The following SMYD3 variants were observed in gnomAD, a reference collection of about 807,000 sequenced individuals.
SMYD3 encodes the protein histone-lysine N-methyltransferase SMYD3.
A neutral mutation model predicts 57.7 loss-of-function variants in SMYD3; 36 were observed. That is an observed-to-expected ratio of 0.62 (90% CI 0.48 to 0.82). The LOEUF is 0.82. SMYD3 is among the 40% of genes least tolerant of loss of function. SMYD3 has a pLI of 0.00. For synonymous variants in SMYD3, 211 were observed against 195.0 expected, an observed-to-expected ratio of 1.08 and a Z score of -0.68; for missense variants, 515 against 538.8, an observed-to-expected ratio of 0.96 and a Z score of 0.44.
intron 5 of SMYD3, among the ~76,000 whole-genome samples, chr1:246,032,116 A>G (rs2059688190): frequency 6.6e-6 from 1 of 152,206 alleles, no homozygotes; most frequent in South Asian, 2.1e-4. Context: ...AACTCCATAA[A>G]AGGCATACAA....
At chr1:246,186,683 G>C (rs11811466) in intron 5 of SMYD3, 122,203 of 908,192 alleles carry the variant, frequency 0.13, 9,069 homozygotes, top group Non-Finnish European at 0.15. Context: ...TGACCTGTGA[G>C]AGTCTGGCAC....
chr1:246,492,125 A>G (rs1019881246), intron 1 of SMYD3, among the ~76,000 whole-genome samples: 10 of 152,236 alleles, frequency 6.6e-5, no homozygotes, highest in African/African-American at 2.4e-4. Context: ...ATAGCATCCA[A>G]CTGAAATATT....
intron 5 of SMYD3, among the ~76,000 whole-genome samples, chr1:245,968,836 G>A (rs545263581): frequency 7.2e-5 from 11 of 152,302 alleles, no homozygotes; most frequent in African/African-American, 2.6e-4. Flanking sequence ...TCTCAGGTCT[G>A]TGTCTTTCTC....
At chr1:246,177,238 T>C (rs1256823465) in intron 5 of SMYD3, among the ~76,000 whole-genome samples, 1 of 152,218 alleles carries the variant, frequency 6.6e-6, no homozygotes, top group Non-Finnish European at 1.5e-5. Flanking sequence ...ATCTCTCAAT[T>C]ATGAGCAAAT....
chr1:246,176,792 G>A (rs1469350852), intron 5 of SMYD3, among the ~76,000 whole-genome samples: 1 of 152,140 alleles, frequency 6.6e-6, no homozygotes, highest in Non-Finnish European at 1.5e-5. Context: ...CAAAGTGTTG[G>A]GATTACAGAT....
intron 5 of SMYD3, among the ~76,000 whole-genome samples, chr1:246,251,549 T>C (rs35692178): frequency 0.14 from 4,427 of 30,836 alleles, 271 homozygotes; most frequent in East Asian, 0.26. Context: ...GCGGACACTG[T>C]GCCCGGCTTT....
intron 5 of SMYD3, among the ~76,000 whole-genome samples, chr1:246,019,196 G>A (rs1231625098): frequency 6.6e-6 from 1 of 152,120 alleles, no homozygotes; most frequent in African/African-American, 2.4e-5. Flanking sequence ...GCAATGTTTG[G>A]AGACATTTCT....
At chr1:246,157,653 C>T (rs77457713) in intron 5 of SMYD3, among the ~76,000 whole-genome samples, 1 of 110,086 alleles carries the variant, frequency 9.1e-6, no homozygotes, top group East Asian at 2.4e-4. Flanking sequence ...TGTCTTTTTT[C>T]CCCCCCATAG....
chr1:246,402,223 C>A, intron 1 of SMYD3, among the ~76,000 whole-genome samples: 1 of 151,742 alleles, frequency 6.6e-6, no homozygotes, highest in Non-Finnish European at 1.5e-5. Flanking sequence ...CAGCAAATAT[C>A]AAAATACAGA....
intron 1 of SMYD3, among the ~76,000 whole-genome samples, chr1:246,463,418 G>A (rs1031712771): frequency 2.0e-5 from 3 of 152,098 alleles, no homozygotes; most frequent in Non-Finnish European, 2.9e-5. Flanking sequence ...AGGAAGGTAG[G>A]AGAGAAGCAA....
chr1:246,029,829 A>C (rs1369220041), intron 5 of SMYD3, among the ~76,000 whole-genome samples: 1 of 152,088 alleles, frequency 6.6e-6, no homozygotes, highest in Non-Finnish European at 1.5e-5. Flanking sequence ...CTGTTATCAA[A>C]AAAAGAAAAG....
chr1:246,065,759 C>A (rs983051533), intron 5 of SMYD3, among the ~76,000 whole-genome samples: 3 of 152,204 alleles, frequency 2.0e-5, no homozygotes, highest in African/African-American at 7.2e-5. Flanking sequence ...CCTTCTACCC[C>A]TACTTGACAG....
At chr1:246,188,360 C>G (rs1171989537) in intron 5 of SMYD3, among the ~76,000 whole-genome samples, 1 of 152,160 alleles carries the variant, frequency 6.6e-6, no homozygotes, top group African/African-American at 2.4e-5. Flanking sequence ...TTCTAGCTTT[C>G]TCTGGCCTAG....
intron 5 of SMYD3, among the ~76,000 whole-genome samples, chr1:246,224,857 G>A (rs2063305428): frequency 6.6e-6 from 1 of 151,928 alleles, no homozygotes. Flanking sequence ...CACTTGACTG[G>A]GGGTAATTAT....
chr1:246,135,903 C>A (rs1203550551), intron 5 of SMYD3, among the ~76,000 whole-genome samples: 1 of 152,082 alleles, frequency 6.6e-6, no homozygotes, highest in Non-Finnish European at 1.5e-5. Flanking sequence ...TTAAAGGCCT[C>A]TAGGATTGTA....
intron 5 of SMYD3, among the ~76,000 whole-genome samples, chr1:246,247,445 C>CTATATATATATATATATA (rs1558346836): frequency 1.2e-5 from 1 of 84,982 alleles, no homozygotes; most frequent in African/African-American, 4.5e-5. Flanking sequence ...AGAAGGATAA[C>CTATATATATATATATATA]TCTCTCTCTC....
At chr1:246,120,072 G>C (rs2061402276) in intron 5 of SMYD3, among the ~76,000 whole-genome samples, 1 of 152,062 alleles carries the variant, frequency 6.6e-6, no homozygotes, top group African/African-American at 2.4e-5. Flanking sequence ...TTGGACAATG[G>C]GAATATGATC....
chr1:246,148,754 C>T (rs59596220), intron 5 of SMYD3, among the ~76,000 whole-genome samples: 4 of 152,184 alleles, frequency 2.6e-5, no homozygotes, highest in Non-Finnish European at 2.9e-5. Context: ...ACTTCTGGAA[C>T]GAAAAGCACA....
chr1:246,105,815 A>T (rs1442571682), intron 5 of SMYD3, among the ~76,000 whole-genome samples: 2 of 152,204 alleles, frequency 1.3e-5, no homozygotes, highest in Non-Finnish European at 2.9e-5. Flanking sequence ...TGCCATGCCA[A>T]CGTGCCTCCT....
Sources: allele counts gnomAD v4.1 joint callset (sites outside exome capture counted in the v4.1 genomes callset), GRCh38; gene constraint gnomAD v4.1.1; transcripts MANE v1.5; gene names NCBI Gene and HGNC (gene_info 2026-07-23, HGNC 2026-07-21).